The following FNBP4 variants were observed in gnomAD, a reference collection of about 807,000 sequenced individuals.
FNBP4 encodes formin-binding protein 4.
A neutral mutation model predicts 119.3 loss-of-function variants in FNBP4; 34 were observed. That is an observed-to-expected ratio of 0.28 (90% CI 0.22 to 0.38). FNBP4 has a LOEUF of 0.38. Among genes scored for constraint, FNBP4 ranks in the 10% least tolerant of loss-of-function variants. FNBP4 has a pLI of 1.00. For synonymous variants in FNBP4, 462 were observed against 430.6 expected (o/e 1.07, Z -0.90); for missense variants, 1,112 against 1,228.9 (o/e 0.90, Z 1.42).
At chr11:47,719,803 T>C in intron 16 of FNBP4, 126 bp downstream of exon 16, 1 of 1,015,110 alleles carries the variant, frequency 9.9e-7, no homozygotes. Context: ...TAGATAAATT[T>C]ACAAGCTGTG....
At chr11:47,745,408 A>T (rs2097588402) in intron 7 of FNBP4, among the ~76,000 whole-genome samples, 1 of 152,072 alleles carries the variant, frequency 6.6e-6, no homozygotes. Context: ...CCGCTCTGGG[A>T]ATGTCTGTCC....
intron 12 of FNBP4, 134 bp from the exon 13 acceptor site, chr11:47,724,912 T>C: frequency 7.6e-7 from 1 of 1,316,686 alleles, no homozygotes; most frequent in Non-Finnish European, 9.9e-7. Context: ...ATACAGAATG[T>C]GGTGTCAAAC....
intron 8 of FNBP4, among the ~76,000 whole-genome samples, chr11:47,738,786 T>C (rs2097577625): frequency 6.6e-6 from 1 of 150,892 alleles, no homozygotes; most frequent in African/African-American, 2.4e-5. Context: ...GTTCAAGCAA[T>C]TCTCCTGCCT....
In FNBP4 at chr11:47,754,599, GT is replaced by G; in HGVS notation, c.378del (p.Lys126AsnfsTer2). Reference protein sequence around the residue: ...SDDDDNDVSEKLAQSKETNGN... With the variant: ...SDDDDNDVSEXLAQSKETNGN... ...CCATTTGTCTCTTTGGATTGTGCTA[GT>G]TTTTCGGAAACATCATTGTCATCGT... On this transcript the variant is annotated frameshift_variant, in exon 3 of 17. Coordinates refer to ENST00000263773, the MANE Select transcript of FNBP4 (RefSeq NM_015308.5). LOFTEE classifies it high-confidence loss of function. 6.2e-7 allele frequency: 1 copy of G among 1,614,126 alleles called. No homozygotes were observed. The highest frequency in any genetic ancestry group is 1.1e-5 in the South Asian group (1 of 91,078).
Position 47,753,888 on chromosome 11 carries a change from T to C in FNBP4, c.450+640A>G, listed in dbSNP as rs185088646. 1.1e-4 allele frequency among the ~76,000 whole-genome samples: 16 copies of C among 152,230 alleles called. No individual in the cohort carries two copies. The East Asian group carries it at 2.9e-3, about 28-fold the overall frequency. ...TACAAGCTCCCCAGTCTCTTCTAAT[T>C]TGCCTTTCTTCTCTTTGAAAGCTTT... On this transcript the variant is annotated intron_variant, in intron 3 of 16. Transcript: ENST00000263773.
At chr11:47,756,921 C>T (rs1486160617) in intron 2 of FNBP4, among the ~76,000 whole-genome samples, 3 of 152,164 alleles carry the variant, frequency 2.0e-5, no homozygotes, top group Non-Finnish European at 4.4e-5. Flanking sequence ...ATATGTGCCA[C>T]ATTTTCTTAA....
At chr11:47,735,665 C>A (rs1208756628) in intron 9 of FNBP4, among the ~76,000 whole-genome samples, 1 of 152,080 alleles carries the variant, frequency 6.6e-6, no homozygotes, top group Non-Finnish European at 1.5e-5. Flanking sequence ...ATCAAGTCAG[C>A]CTTAATTATT....
rs113190444 is a variant in FNBP4, at chr11:47,741,480, T to C, written c.1456+2473A>G. ...TAAGCCACATTGATGCACATAACTATGGTATGTTCACTTTGTCACTGCTGC... is the reference window on the plus strand; with the variant it reads ...TAAGCCACATTGATGCACATAACTACGGTATGTTCACTTTGTCACTGCTGC... On this transcript the variant is annotated intron_variant, in intron 8 of 16. Transcript: ENST00000263773. Among the ~76,000 whole-genome samples the C allele has an allele frequency of 1.5e-3, 234 of 151,882 alleles. 8 individuals carry two copies. The highest frequency in any genetic ancestry group is 5.4e-3 in the African/African-American group (221 of 41,172).
chr11:47,740,959 G>A (rs1210145455), intron 8 of FNBP4, among the ~76,000 whole-genome samples: 1 of 150,490 alleles, frequency 6.6e-6, no homozygotes, highest in African/African-American at 2.5e-5. Context: ...TGCCATCTCA[G>A]CTCACCACAA....
intron 2 of FNBP4, among the ~76,000 whole-genome samples, chr11:47,758,730 G>A (rs1418383812): frequency 6.6e-6 from 1 of 151,390 alleles, no homozygotes; most frequent in East Asian, 2.0e-4. Context: ...GTGGTGGTGC[G>A]CGCCTGTAAT....
intron 6 of FNBP4, among the ~76,000 whole-genome samples, chr11:47,746,839 T>C (rs887524673): frequency 6.6e-6 from 1 of 152,062 alleles, no homozygotes; most frequent in Non-Finnish European, 1.5e-5. Context: ...CAGGTGAGTA[T>C]ATATTTATAC....
intron 9 of FNBP4, among the ~76,000 whole-genome samples, chr11:47,735,472 G>GATTAGGTTAGAAATGCAATTC (rs2097572766): frequency 6.6e-6 from 1 of 152,164 alleles, no homozygotes; most frequent in South Asian, 2.1e-4. Context: ...TCTCCCATGA[G>GATTAGGTTAGAAATGCAATTC]ATTAGGTTAG....
chr11:47,751,056 G>C lies in FNBP4; in HGVS notation c.786-20C>G, dbSNP rs1238333631. 6.2e-7 allele frequency: 1 copy of C among 1,612,382 alleles called. No homozygotes were observed. Among genetic ancestry groups the C allele is most frequent in the South Asian group, 1.1e-5 (1 of 90,848 alleles). On this transcript the variant is annotated intron_variant, in intron 5 of 16. Transcript: ENST00000263773. ...ACAGAACTAAAAAAATATATACTTA[G>C]CAAGAGAAATATAAGACAAATACTA...
At chr11:47,724,418 T>A (rs746494841) in intron 13 of FNBP4, 50 bp downstream of exon 13, 1 of 1,612,908 alleles carries the variant, frequency 6.2e-7, no homozygotes, top group South Asian at 1.1e-5. Flanking sequence ...ATGGTGTCAA[T>A]CATGTTCCAG....
chr11:47,746,657 G>C (rs1159443384), intron 6 of FNBP4, among the ~76,000 whole-genome samples: 1 of 152,008 alleles, frequency 6.6e-6, no homozygotes, highest in African/African-American at 2.4e-5. Context: ...TGGGATTACA[G>C]GCGCCCGCCA....
chr11:47,743,799 G>T, intron 8 of FNBP4, 154 bp downstream of exon 8: 1 of 671,104 alleles, frequency 1.5e-6, no homozygotes, highest in Non-Finnish European at 2.5e-6. Flanking sequence ...ATCTGGAAAA[G>T]GTAGAGAGGT....
intron 8 of FNBP4, 145 bp from the exon 9 acceptor site, chr11:47,736,885 A>G (rs138494803): frequency 1.3e-6 from 1 of 789,630 alleles, no homozygotes; most frequent in Admixed American, 3.0e-5. Context: ...CTCTTCAAAC[A>G]TGTCAGCCTA....
intron 8 of FNBP4, among the ~76,000 whole-genome samples, chr11:47,737,039 T>C (rs2097575183): frequency 6.6e-6 from 1 of 151,972 alleles, no homozygotes; most frequent in Non-Finnish European, 1.5e-5. Context: ...CCGTCTCTAC[T>C]AAAAATACAA....
intron 8 of FNBP4, among the ~76,000 whole-genome samples, chr11:47,739,516 T>C: frequency 6.6e-6 from 1 of 152,180 alleles, no homozygotes; most frequent in South Asian, 2.1e-4. Context: ...GACCTGGCAA[T>C]ATACCACTAG....
Sources: allele counts gnomAD v4.1 joint callset (sites outside exome capture counted in the v4.1 genomes callset), GRCh38; gene constraint gnomAD v4.1.1; transcripts MANE v1.5; gene names NCBI Gene and HGNC (gene_info 2026-07-23, HGNC 2026-07-21).